The following SORCS3 variants were observed in gnomAD, a reference collection of about 807,000 sequenced individuals.
The protein encoded by SORCS3 is VPS10 domain-containing receptor SorCS3.
Under a neutral mutation model 146.3 loss-of-function variants are expected in SORCS3, and 57 were observed. The ratio of observed to expected loss-of-function variants is 0.39; its 90% CI spans 0.31 to 0.49. The LOEUF is 0.49. Ranked by LOEUF, SORCS3 falls within the 20% of genes least tolerant of loss-of-function variation. The pLI, the probability that SORCS3 is intolerant of heterozygous loss-of-function variation, is 0.92. For synonymous variants in SORCS3, 653 were observed against 618.5 expected (o/e 1.06, Z -0.83); for missense variants, 1,341 against 1,575.5 (o/e 0.85, Z 2.52).
chr10:105,006,863 A>T (rs115760140), intron 4 of SORCS3, among the ~76,000 whole-genome samples: 2,083 of 152,178 alleles, frequency 0.014, 45 homozygotes, highest in African/African-American at 0.047. Flanking sequence ...ATCCTGCTTT[A>T]TTTTTCTTCA....
rs1432724152 is a variant in SORCS3, at chr10:105,214,438, T to C, written c.2376-4T>C. ...AACCACTATCAATTGTCAATTCTAC[T>C]TAGGTATCGGCGGATTGTGTCCAAC... On this transcript the variant is annotated splice_polypyrimidine_tract_variant and splice_region_variant and intron_variant, in intron 17 of 26. Transcript: ENST00000369701. 1 of 1,613,890 alleles carries C rather than the reference T, an allele frequency of 6.2e-7. No individual in the cohort carries two copies. The highest frequency in any genetic ancestry group is 1.1e-5 in the South Asian group (1 of 91,070).
At chr10:105,009,527 C>CAAAA (rs35368294) in intron 4 of SORCS3, among the ~76,000 whole-genome samples, 14 of 105,214 alleles carry the variant, frequency 1.3e-4, no homozygotes, top group Admixed American at 3.4e-4. Context: ...AACAAACAAA[C>CAAAA]AAAAAAAAAA....
rs1355412638 is a variant in SORCS3 at position 105,016,134 on chromosome 10, A to AATAT, written c.955-26902_955-26899dup. On this transcript the variant is annotated intron_variant, in intron 4 of 26. Transcript: ENST00000369701. ...TATTACATATTAGAAATATTATATA[A>AATAT]ATATATATATATATATATATATTTT... 5.0e-3 allele frequency among the ~76,000 whole-genome samples: 564 copies of AATAT among 113,640 alleles called. 16 individuals carry two copies. Among genetic ancestry groups the AATAT allele is most frequent in the South Asian group, 0.014 (51 of 3,628 alleles). The allele number at this position is 113,640 out of a possible 152,430, so 74.6% of individuals were successfully genotyped here. A position where few individuals can be genotyped will look rare whatever the true frequency, so the allele number is the denominator to read the frequency against.
At chr10:104,803,924 G>A (rs1309161083) in intron 1 of SORCS3, among the ~76,000 whole-genome samples, 3 of 152,018 alleles carry the variant, frequency 2.0e-5, no homozygotes, top group African/African-American at 4.8e-5. Context: ...CCTACTAAAG[G>A]CTGTTTCAAG....
In SORCS3 at chr10:105,184,810, T is replaced by C. The variant is rs368511250; in HGVS notation, c.2009+6637T>C. On this transcript the variant is annotated intron_variant, in intron 14 of 26. Transcript: ENST00000369701. ...ACCTTTTGTTCTTTTGTGAGTTTTT[T>C]TGGGTAAGAACATTTAACATGAATT... Among the ~76,000 whole-genome samples, 6 of 152,358 alleles carry C rather than the reference T, an allele frequency of 3.9e-5. No individual in the cohort carries two copies. In the East Asian group the frequency reaches 5.8e-4, roughly 15 times the overall value.
At chr10:105,141,208 C>T (rs1028764373) in intron 8 of SORCS3, among the ~76,000 whole-genome samples, 2 of 152,146 alleles carry the variant, frequency 1.3e-5, no homozygotes, top group Admixed American at 6.5e-5. Flanking sequence ...CCCTAGAACA[C>T]TCTGTTAATG....
intron 8 of SORCS3, among the ~76,000 whole-genome samples, chr10:105,142,129 A>G (rs1022801078): frequency 8.5e-5 from 13 of 152,054 alleles, no homozygotes; most frequent in African/African-American, 2.9e-4. Context: ...AGCCTGATAT[A>G]CCCTCTTTTG....
At chr10:104,670,845 T>C (rs1177123243) in intron 1 of SORCS3, among the ~76,000 whole-genome samples, 1 of 151,406 alleles carries the variant, frequency 6.6e-6, no homozygotes, top group African/African-American at 2.4e-5. Context: ...TTTAATTTCT[T>C]TCAGCAGTAT....
intron 14 of SORCS3, among the ~76,000 whole-genome samples, chr10:105,192,439 GAA>G (rs1037703188): frequency 6.6e-6 from 1 of 152,112 alleles, no homozygotes; most frequent in Non-Finnish European, 1.5e-5. Flanking sequence ...GGCAGTAACA[GAA>G]AGAAGAAACT....
At chr10:105,051,422 A>G (rs2055412049) in intron 5 of SORCS3, among the ~76,000 whole-genome samples, 2 of 152,136 alleles carry the variant, frequency 1.3e-5, no homozygotes, top group South Asian at 4.2e-4. Context: ...TATAGATCTC[A>G]CCTGTTCTGG....
chr10:105,030,213 CAT>C (rs2055256292), intron 4 of SORCS3, among the ~76,000 whole-genome samples: 1 of 152,178 alleles, frequency 6.6e-6, no homozygotes, highest in African/African-American at 2.4e-5. Flanking sequence ...TTATTGCTCA[CAT>C]ATATATGGGT....
intron 13 of SORCS3, among the ~76,000 whole-genome samples, chr10:105,174,064 T>C (rs1277979236): frequency 2.0e-5 from 3 of 152,218 alleles, no homozygotes; most frequent in Non-Finnish European, 4.4e-5. Context: ...GTAAGTTCCG[T>C]GGAAGCTAGG....
chr10:105,110,754 A>G (rs185446957), intron 7 of SORCS3, among the ~76,000 whole-genome samples: 187 of 152,110 alleles, frequency 1.2e-3, no homozygotes, highest in African/African-American at 3.9e-3. Context: ...TATTTTTCTT[A>G]TTGCTTTAGG....
At chr10:104,819,160 G>A (rs1589511235) in intron 1 of SORCS3, among the ~76,000 whole-genome samples, 1 of 152,054 alleles carries the variant, frequency 6.6e-6, no homozygotes, top group African/African-American at 2.4e-5. Context: ...GAACTCTGAG[G>A]GGGTGCACGT....
At chr10:104,929,270 T>C (rs1452632986) in intron 3 of SORCS3, among the ~76,000 whole-genome samples, 2 of 151,934 alleles carry the variant, frequency 1.3e-5, no homozygotes, top group Admixed American at 6.6e-5. Flanking sequence ...TGGCAGAGAG[T>C]AGGTATGACT....
intron 4 of SORCS3, among the ~76,000 whole-genome samples, chr10:105,039,451 CTTTTTT>C (rs920662213): frequency 2.1e-5 from 2 of 96,548 alleles, no homozygotes; most frequent in Admixed American, 1.1e-4. Flanking sequence ...CTCTCGCTCT[CTTTTTT>C]TTTTTTTTTT....
chr10:104,881,558 G>C (rs549463965), intron 2 of SORCS3, among the ~76,000 whole-genome samples: 1 of 152,134 alleles, frequency 6.6e-6, no homozygotes, highest in Non-Finnish European at 1.5e-5. Context: ...TGATTAAAGA[G>C]AATTCTTTTA....
chr10:104,696,613 T>TATATTATATACGTATATATTATATATA (rs1401073835), intron 1 of SORCS3, among the ~76,000 whole-genome samples: 22 of 92,352 alleles, frequency 2.4e-4, no homozygotes, highest in Non-Finnish European at 3.1e-4. Context: ...TTATATATAA[T>TATATTATATACGTATATATTATATATA]ATATATTATA....
chr10:104,837,822 TCTC>T (rs1161018717), intron 1 of SORCS3, among the ~76,000 whole-genome samples: 8 of 152,172 alleles, frequency 5.3e-5, no homozygotes, highest in Non-Finnish European at 1.0e-4. Flanking sequence ...GTTTTTCTCT[TCTC>T]TGCATTCCTA....
Sources: gnomAD v4.1 joint callset for allele counts (sites outside exome capture counted in the v4.1 genomes callset) on GRCh38, gnomAD v4.1.1 for gene constraint, MANE v1.5 for transcripts, NCBI Gene and HGNC (gene_info 2026-07-23, HGNC 2026-07-21) for gene names.